The following AGMO variants were observed in gnomAD, a reference collection of about 807,000 sequenced individuals.
AGMO encodes the protein glyceryl-ether monooxygenase.
In AGMO, 75 loss-of-function variants were observed where a neutral mutation model predicts 60.2. The ratio of observed to expected loss-of-function variants is 1.25; its 90% CI spans 1.03 to 1.51. AGMO has a LOEUF of 1.51. Ranked by LOEUF, AGMO falls within the 40% of genes most tolerant of loss-of-function variation. The pLI is 0.00. For synonymous variants in AGMO, 261 were observed against 177.1 expected, an observed-to-expected ratio of 1.47 and a Z score of -3.76; for missense variants, 763 against 525.5, an observed-to-expected ratio of 1.45 and a Z score of -4.42.
intron 5 of AGMO, among the ~76,000 whole-genome samples, chr7:15,417,023 G>C (rs28395179): frequency 3.9e-5 from 6 of 152,030 alleles, no homozygotes; most frequent in African/African-American, 1.5e-4. Flanking sequence ...TCTATGTTGT[G>C]TATAATAAAC....
intron 12 of AGMO, among the ~76,000 whole-genome samples, chr7:15,338,518 C>A (rs922811123): frequency 6.6e-6 from 1 of 152,124 alleles, no homozygotes; most frequent in African/African-American, 2.4e-5. Context: ...CATGAGTCTT[C>A]CATAGGTACA....
intron 3 of AGMO, among the ~76,000 whole-genome samples, chr7:15,439,497 C>T (rs1372297503): frequency 6.6e-6 from 1 of 152,210 alleles, no homozygotes; most frequent in East Asian, 1.9e-4. Context: ...TACTCTGCCC[C>T]TTGCCTTTGG....
At chr7:15,484,295 T>C (rs997046545) in intron 3 of AGMO, among the ~76,000 whole-genome samples, 6 of 152,192 alleles carry the variant, frequency 3.9e-5, no homozygotes, top group Non-Finnish European at 8.8e-5. Flanking sequence ...GAAAATATTA[T>C]ATCCCATTCT....
At chr7:15,176,542 GTTAT>G in the AGMO span, among the ~76,000 whole-genome samples, 2 of 151,776 alleles carry the variant, frequency 1.3e-5, no homozygotes, top group Non-Finnish European at 2.9e-5. Context: ...CTTTATTGAG[GTTAT>G]TTGACAAATA....
the AGMO span, among the ~76,000 whole-genome samples, chr7:15,174,248 A>T: frequency 6.6e-6 from 1 of 152,116 alleles, no homozygotes; most frequent in Non-Finnish European, 1.5e-5. Flanking sequence ...TTTTGTGTAT[A>T]TACATCCACA....
the AGMO span, among the ~76,000 whole-genome samples, chr7:15,155,185 A>C: frequency 3.9e-5 from 6 of 152,128 alleles, no homozygotes; most frequent in Non-Finnish European, 8.8e-5. Context: ...GTATCCTCAA[A>C]TATGGTTTCC....
At chr7:15,529,070 A>C (rs1784205585) in intron 3 of AGMO, among the ~76,000 whole-genome samples, 2 of 152,180 alleles carry the variant, frequency 1.3e-5, no homozygotes, top group South Asian at 4.1e-4. Context: ...CATTGATTTG[A>C]TCTAATTAAA....
At chr7:15,426,434 C>A (rs1365139055) in intron 4 of AGMO, among the ~76,000 whole-genome samples, 1 of 151,966 alleles carries the variant, frequency 6.6e-6, no homozygotes, top group East Asian at 1.9e-4. Flanking sequence ...ATGGAACCAA[C>A]CAACCAAACA....
intron 5 of AGMO, among the ~76,000 whole-genome samples, chr7:15,417,543 C>A (rs1780806914): frequency 6.6e-6 from 1 of 152,164 alleles, no homozygotes; most frequent in Admixed American, 6.5e-5. Flanking sequence ...TCTTTGACCT[C>A]TAGAGTCAGA....
At chr7:15,423,029 A>G (rs1780966814) in intron 4 of AGMO, among the ~76,000 whole-genome samples, 1 of 152,218 alleles carries the variant, frequency 6.6e-6, no homozygotes, top group African/African-American at 2.4e-5. Context: ...AAATGGCTAA[A>G]CAGCGTAAAA....
intron 12 of AGMO, among the ~76,000 whole-genome samples, chr7:15,346,745 T>C (rs1158968849): frequency 6.6e-6 from 1 of 151,972 alleles, no homozygotes; most frequent in Non-Finnish European, 1.5e-5. Context: ...AAGTAATATA[T>C]GGCTTTGGAA....
intron 3 of AGMO, among the ~76,000 whole-genome samples, chr7:15,522,285 T>TA (rs1784017794): frequency 6.6e-6 from 1 of 152,184 alleles, no homozygotes; most frequent in African/African-American, 2.4e-5. Context: ...CAAAGTAATT[T>TA]ATAGATTCAA....
chr7:15,401,062 T>G (rs1205909846), intron 5 of AGMO, among the ~76,000 whole-genome samples: 1 of 152,104 alleles, frequency 6.6e-6, no homozygotes, highest in Admixed American at 6.6e-5. Flanking sequence ...TATGTACATG[T>G]GATAAATTAA....
intron 3 of AGMO, among the ~76,000 whole-genome samples, chr7:15,463,883 T>C (rs1005638972): frequency 6.6e-6 from 1 of 152,206 alleles, no homozygotes; most frequent in African/African-American, 2.4e-5. Flanking sequence ...GTTTCAAAGC[T>C]GTGCTTGATT....
In AGMO at chr7:15,384,831, T is replaced by TC. The variant is rs200494922; in HGVS notation, c.1074+614_1074+615insG. Among the ~76,000 whole-genome samples, 699 of 150,792 alleles carry TC rather than the reference T, an allele frequency of 4.6e-3. 4 individuals are homozygous for TC. The highest frequency in any genetic ancestry group is 0.01 in the Middle Eastern group (3 of 294). ...CCTGTTTTTCTCTTTTTTTTTTTTT[T>TC]TTTGCAATTTACAACATATTTTTAT... On this transcript the variant is annotated intron_variant, in intron 10 of 12. Transcript: ENST00000342526.
chr7:15,554,170 CAT>C (rs1785061757), intron 2 of AGMO, among the ~76,000 whole-genome samples: 1 of 152,006 alleles, frequency 6.6e-6, no homozygotes, highest in Admixed American at 6.6e-5. Context: ...GACCTTGAAT[CAT>C]AAACCAAAGT....
chr7:15,436,133 T>C (rs35026382), intron 3 of AGMO, among the ~76,000 whole-genome samples: 54,217 of 152,120 alleles, frequency 0.36, 9,695 homozygotes, highest in Middle Eastern at 0.41. Context: ...TTGACACCAC[T>C]GAAATCATAT....
chr7:15,180,177 C>A, the AGMO span, among the ~76,000 whole-genome samples: 3 of 152,112 alleles, frequency 2.0e-5, no homozygotes, highest in Non-Finnish European at 4.4e-5. Flanking sequence ...GGCGTTCTTT[C>A]TTGAATGTGC....
the AGMO span, among the ~76,000 whole-genome samples, chr7:15,122,705 T>C: frequency 1.3e-5 from 2 of 152,086 alleles, no homozygotes; most frequent in South Asian, 4.1e-4. Flanking sequence ...CTCTAAGAAA[T>C]ACTGTTTTTA....
Sources: allele counts gnomAD v4.1 joint callset (sites outside exome capture counted in the v4.1 genomes callset), GRCh38; gene constraint gnomAD v4.1.1; transcripts MANE v1.5; gene names NCBI Gene and HGNC (gene_info 2026-07-23, HGNC 2026-07-21).